SEMA3A: variants seen among roughly 807,000 people sequenced by gnomAD.
SEMA3A encodes the protein semaphorin-3A.
In SEMA3A, 29 loss-of-function variants were observed where a neutral mutation model predicts 97.9. The ratio of observed to expected loss-of-function variants is 0.30; its 90% confidence interval spans 0.22 to 0.40. The LOEUF is 0.40. Among genes scored for constraint, SEMA3A ranks in the 10% least tolerant of loss-of-function variants. SEMA3A has a pLI of 1.00. For synonymous variants in SEMA3A, 321 were observed against 323.7 expected, an observed-to-expected ratio of 0.99 and a Z score of 0.09; for missense variants, 763 against 951.3, an observed-to-expected ratio of 0.80 and a Z score of 2.60.
chr7:84,163,847 T>TA (rs1797122590), intron 1 of SEMA3A, among the ~76,000 whole-genome samples: 1 of 151,550 alleles, frequency 6.6e-6, no homozygotes, highest in East Asian at 1.9e-4. Context: ...GTACTATTTT[T>TA]TTTTTTTTTT....
At chr7:84,376,139 T>G (rs1803090830) in intron 1 of SEMA3A, among the ~76,000 whole-genome samples, 1 of 152,208 alleles carries the variant, frequency 6.6e-6, no homozygotes, top group African/African-American at 2.4e-5. Context: ...CTATTGTGAA[T>G]AGTGCAGTAA....
In SEMA3A at chr7:84,357,339, A is replaced by G. The variant is rs187557182; in HGVS notation, c.-169+14485T>C. On this transcript the variant is annotated intron_variant, in intron 2 of 3. Coordinates refer to the SEMA3A transcript ENST00000424555. ...TGTGATGTTCCCATTCCTGTTTCCA[A>G]GTGTTCTCATTGTTCAGTTCCCACC... 5.6e-3 allele frequency among the ~76,000 whole-genome samples: 813 copies of G among 145,672 alleles called. 7 individuals carry two copies. Among genetic ancestry groups the G allele is most frequent in the African/African-American group, 0.02 (772 of 39,304 alleles).
intron 6 of SEMA3A, among the ~76,000 whole-genome samples, chr7:84,041,195 A>G (rs1384319435): frequency 2.0e-5 from 3 of 152,080 alleles, no homozygotes; most frequent in African/African-American, 4.8e-5. Flanking sequence ...AGTAATTTCA[A>G]AAAACTTGCT....
chr7:84,208,860 C>T (rs1400837885), intron 3 of SEMA3A, among the ~76,000 whole-genome samples: 2 of 152,186 alleles, frequency 1.3e-5, no homozygotes, highest in African/African-American at 4.8e-5. Flanking sequence ...TTTCTTATTA[C>T]TGCATTATAC....
chr7:84,356,499 G>T (rs1275328224), intron 2 of SEMA3A, among the ~76,000 whole-genome samples: 1 of 151,412 alleles, frequency 6.6e-6, no homozygotes, highest in Non-Finnish European at 1.5e-5. Flanking sequence ...AAGTATAAAA[G>T]ATTCTGAAAT....
At chr7:84,002,612 A>G (rs1790505694) in intron 11 of SEMA3A, among the ~76,000 whole-genome samples, 1 of 152,214 alleles carries the variant, frequency 6.6e-6, no homozygotes. Flanking sequence ...TTTAGCACTT[A>G]GAAGTTCCTA....
At chr7:84,042,159 T>C (rs1792156894) in intron 6 of SEMA3A, among the ~76,000 whole-genome samples, 1 of 152,128 alleles carries the variant, frequency 6.6e-6, no homozygotes, top group South Asian at 2.1e-4. Context: ...CGAAATATCC[T>C]AGTACATGAC....
chr7:84,462,507 A>G lies in SEMA3A; in HGVS notation c.-246+29953T>C, dbSNP rs118167754. ...CTCCACAGGATCATTACAGACTCTTATTTTTGAAATTAGAATAGCTATGGT... is the reference window on the plus strand; with the variant it reads ...CTCCACAGGATCATTACAGACTCTTGTTTTTGAAATTAGAATAGCTATGGT... On this transcript the variant is annotated intron_variant, in intron 1 of 3. Coordinates refer to the SEMA3A transcript ENST00000424555. 3.6e-3 allele frequency among the ~76,000 whole-genome samples: 547 copies of G among 152,256 alleles called. 1 individual carries two copies. Among genetic ancestry groups the G allele is most frequent in the Middle Eastern group, 0.01 (3 of 294 alleles).
Position 84,110,538 on chromosome 7 carries a change from A to G in SEMA3A, c.385T>C (p.Leu129=). 6.2e-7 allele frequency: 1 copy of G among 1,614,020 alleles called. No homozygotes were observed. The highest frequency in any genetic ancestry group is 1.7e-5 in the Admixed American group (1 of 60,010). The change falls in exon 4 of 17, where the codon TTG becomes CTG. Residue 129 remains leucine, a synonymous_variant. Coordinates refer to ENST00000265362, the MANE Select transcript of SEMA3A (RefSeq NM_006080.3). ...KVLKAYNQTH[L]YACGTGAFHP... is the part of the protein sequence containing the mutation. ...AAAGCCCCCGTTCCACAGGCGTACA[A>G]GTGAGTCTGATTATATGCCTTAAGT...
chr7:84,483,471 G>T (rs746474490), intron 1 of SEMA3A, among the ~76,000 whole-genome samples: 12 of 152,102 alleles, frequency 7.9e-5, no homozygotes, highest in African/African-American at 1.2e-4. Context: ...TGTTATAAAA[G>T]ATATCATTTT....
At chr7:84,131,669 G>A (rs1327224977) in intron 2 of SEMA3A, among the ~76,000 whole-genome samples, 2 of 152,108 alleles carry the variant, frequency 1.3e-5, no homozygotes, top group Non-Finnish European at 2.9e-5. Flanking sequence ...TAAATCTCCT[G>A]TAGTGTTCAT....
intron 2 of SEMA3A, among the ~76,000 whole-genome samples, chr7:84,327,281 A>G (rs530736411): frequency 1.3e-5 from 2 of 151,886 alleles, no homozygotes; most frequent in Non-Finnish European, 2.9e-5. Flanking sequence ...GGTATGTTCA[A>G]TGACAGTCAG....
chr7:84,242,620 CTA>C (rs1179237888), intron 3 of SEMA3A, among the ~76,000 whole-genome samples: 2 of 152,034 alleles, frequency 1.3e-5, no homozygotes, highest in Non-Finnish European at 2.9e-5. Context: ...CTTGAATACC[CTA>C]TGTTTCCTTC....
chr7:84,248,878 G>C (rs1799535616), intron 3 of SEMA3A, among the ~76,000 whole-genome samples: 1 of 152,092 alleles, frequency 6.6e-6, no homozygotes, highest in Non-Finnish European at 1.5e-5. Flanking sequence ...AGGCTTCAAG[G>C]AACAGGAAAC....
intron 1 of SEMA3A, among the ~76,000 whole-genome samples, chr7:84,477,565 C>A (rs1488758076): frequency 2.7e-5 from 4 of 149,792 alleles, no homozygotes; most frequent in Non-Finnish European, 4.4e-5. Flanking sequence ...TAGAAATTTA[C>A]TCCCACTTAT....
intron 4 of SEMA3A, among the ~76,000 whole-genome samples, chr7:84,084,578 T>G (rs1175716388): frequency 2.0e-5 from 3 of 152,006 alleles, no homozygotes; most frequent in Non-Finnish European, 4.4e-5. Flanking sequence ...ATCTGGTCAC[T>G]CCAATGTTCC....
At chr7:84,351,066 T>TAC (rs149149582) in intron 2 of SEMA3A, among the ~76,000 whole-genome samples, 3,118 of 146,598 alleles carry the variant, frequency 0.021, 57 homozygotes, top group African/African-American at 0.045. Context: ...TACACATGCA[T>TAC]ACACACACAC....
chr7:84,480,570 T>C (rs763895744), intron 1 of SEMA3A, among the ~76,000 whole-genome samples: 1 of 152,140 alleles, frequency 6.6e-6, no homozygotes, highest in Non-Finnish European at 1.5e-5. Flanking sequence ...GTGCCCAGGG[T>C]CAGGGTTGGC....
At chr7:84,454,352 C>T (rs1447747802) in intron 1 of SEMA3A, among the ~76,000 whole-genome samples, 3 of 152,086 alleles carry the variant, frequency 2.0e-5, no homozygotes, top group Non-Finnish European at 4.4e-5. Context: ...ATTTCTTGGC[C>T]TTGTCCAAAG....
Sources: allele counts gnomAD v4.1 joint callset (sites outside exome capture counted in the v4.1 genomes callset), GRCh38; gene constraint gnomAD v4.1.1; transcripts MANE v1.5; gene names NCBI Gene and HGNC (gene_info 2026-07-23, HGNC 2026-07-21).